The following CAMKMT variants were observed in gnomAD, a reference collection of about 807,000 sequenced individuals.
CAMKMT encodes the protein CaM KMT.
Under a neutral mutation model 48.0 loss-of-function variants are expected in CAMKMT, and 53 were observed. The observed-to-expected ratio is 1.10, with a 90% CI of 0.89 to 1.39. The LOEUF is 1.39. Ranked by LOEUF, CAMKMT falls within the 40% of genes most tolerant of loss-of-function variation. The pLI is 0.00. For synonymous variants in CAMKMT, 165 were observed against 152.3 expected, an observed-to-expected ratio of 1.08 and a Z score of -0.61; for missense variants, 428 against 402.7, an observed-to-expected ratio of 1.06 and a Z score of -0.54.
intron 3 of CAMKMT, among the ~76,000 whole-genome samples, chr2:44,607,626 C>T (rs959107514): frequency 3.3e-5 from 5 of 151,766 alleles, no homozygotes; most frequent in Admixed American, 6.6e-5. Context: ...TTTTATGTAC[C>T]ATAATGAAAA....
chr2:44,713,225 C>T (rs924592939), intron 6 of CAMKMT, among the ~76,000 whole-genome samples: 4 of 152,078 alleles, frequency 2.6e-5, no homozygotes, highest in Admixed American at 1.3e-4. Flanking sequence ...AATTTAACTT[C>T]CCTGAGACTA....
chr2:44,539,318 A>G (rs530222568), intron 3 of CAMKMT, among the ~76,000 whole-genome samples: 6 of 150,344 alleles, frequency 4.0e-5, no homozygotes, highest in African/African-American at 1.2e-4. Context: ...AAACTTCTCT[A>G]TATCTCTTTA....
At chr2:44,435,955 G>A (rs1465402515) in intron 3 of CAMKMT, among the ~76,000 whole-genome samples, 1 of 152,164 alleles carries the variant, frequency 6.6e-6, no homozygotes, top group Non-Finnish European at 1.5e-5. Flanking sequence ...ATCCTGTGAA[G>A]TTCGTTATGT....
chr2:44,600,711 C>G (rs986924324), intron 3 of CAMKMT, among the ~76,000 whole-genome samples: 1 of 152,080 alleles, frequency 6.6e-6, no homozygotes, highest in South Asian at 2.1e-4. Context: ...CAAACTGTTC[C>G]TAGGTTGTTA....
chr2:44,514,742 A>T (rs1429708797), intron 3 of CAMKMT, among the ~76,000 whole-genome samples: 1 of 152,234 alleles, frequency 6.6e-6, no homozygotes, highest in Non-Finnish European at 1.5e-5. Flanking sequence ...CTACATTAAT[A>T]GGAGAAACTT....
intron 3 of CAMKMT, among the ~76,000 whole-genome samples, chr2:44,450,323 T>A (rs1290773231): frequency 6.6e-6 from 1 of 152,148 alleles, no homozygotes; most frequent in Admixed American, 6.6e-5. Context: ...GTCACTGTTT[T>A]TGACATCCTT....
chr2:44,450,908 A>C (rs1667254732), intron 3 of CAMKMT, among the ~76,000 whole-genome samples: 1 of 152,150 alleles, frequency 6.6e-6, no homozygotes, highest in Non-Finnish European at 1.5e-5. Context: ...AGCATTAAAA[A>C]TGTGCTTTGC....
At chr2:44,504,772 G>A (rs1286405790) in intron 3 of CAMKMT, among the ~76,000 whole-genome samples, 1 of 152,026 alleles carries the variant, frequency 6.6e-6, no homozygotes, top group Non-Finnish European at 1.5e-5. Flanking sequence ...CCTTTTTTGT[G>A]AAATACCTGT....
intron 3 of CAMKMT, among the ~76,000 whole-genome samples, chr2:44,445,694 A>C (rs1489202324): frequency 5.1e-5 from 3 of 58,266 alleles, no homozygotes; most frequent in African/African-American, 1.2e-4. Context: ...TTTTTTTTTT[A>C]CCAGTTGGGC....
chr2:44,477,345 T>C (rs1303628102), intron 3 of CAMKMT, among the ~76,000 whole-genome samples: 1 of 152,228 alleles, frequency 6.6e-6, no homozygotes, highest in Non-Finnish European at 1.5e-5. Flanking sequence ...ATAAGTCTGG[T>C]GTATTGGTTT....
At chr2:44,382,173 C>T (rs1558558553) in intron 2 of CAMKMT, among the ~76,000 whole-genome samples, 2 of 152,028 alleles carry the variant, frequency 1.3e-5, no homozygotes, top group Non-Finnish European at 1.5e-5. Flanking sequence ...AACTCCTGAC[C>T]TTAGGTGATT....
At chr2:44,572,850 G>GA in intron 3 of CAMKMT, among the ~76,000 whole-genome samples, 1 of 152,128 alleles carries the variant, frequency 6.6e-6, no homozygotes, top group South Asian at 2.1e-4. Flanking sequence ...TTATTTTTAG[G>GA]AACCACCATA....
chr2:44,416,468 C>T (rs1295565824), intron 3 of CAMKMT, among the ~76,000 whole-genome samples: 3 of 151,878 alleles, frequency 2.0e-5, no homozygotes, highest in African/African-American at 7.3e-5. Context: ...AACTGATCTA[C>T]TCTCTGTCAC....
chr2:44,755,055 C>T (rs566374871), intron 9 of CAMKMT, among the ~76,000 whole-genome samples: 2 of 152,134 alleles, frequency 1.3e-5, no homozygotes, highest in Non-Finnish European at 2.9e-5. Flanking sequence ...TACCTTTCAA[C>T]CTTTCTTTTA....
intron 7 of CAMKMT, among the ~76,000 whole-genome samples, chr2:44,727,735 G>A (rs1283648565): frequency 6.6e-6 from 1 of 152,160 alleles, no homozygotes; most frequent in Non-Finnish European, 1.5e-5. Flanking sequence ...GATGATGTTG[G>A]CTGTGGGTTT....
intron 3 of CAMKMT, among the ~76,000 whole-genome samples, chr2:44,531,546 G>A (rs1292660320): frequency 3.3e-5 from 5 of 152,074 alleles, no homozygotes; most frequent in Admixed American, 6.6e-5. Flanking sequence ...TTTTATCAGC[G>A]GCCATAGGGT....
At chr2:44,649,815 C>T (rs1257329236) in intron 3 of CAMKMT, among the ~76,000 whole-genome samples, 1 of 152,150 alleles carries the variant, frequency 6.6e-6, no homozygotes, top group African/African-American at 2.4e-5. Context: ...GGTCACTGTA[C>T]CTTTAGCCAA....
chr2:44,367,475 G>C (rs1355724836), intron 1 of CAMKMT, among the ~76,000 whole-genome samples: 5 of 152,146 alleles, frequency 3.3e-5, no homozygotes, highest in African/African-American at 1.2e-4. Context: ...AGGTATATAT[G>C]AAAAACAAAT....
intron 3 of CAMKMT, among the ~76,000 whole-genome samples, chr2:44,520,889 T>C (rs1334714372): frequency 6.6e-6 from 1 of 152,146 alleles, no homozygotes; most frequent in Non-Finnish European, 1.5e-5. Flanking sequence ...ATTCATTCTT[T>C]CTCCTGCCGC....
Sources: gnomAD v4.1 joint callset for allele counts (sites outside exome capture counted in the v4.1 genomes callset) on GRCh38, gnomAD v4.1.1 for gene constraint, MANE v1.5 for transcripts, NCBI Gene and HGNC (gene_info 2026-07-23, HGNC 2026-07-21) for gene names.